The following HEYL variants were observed in gnomAD, a reference collection of about 807,000 sequenced individuals.
HEYL encodes the protein hes related family bHLH transcription factor with YRPW motif like.
HEYL carries 12 observed loss-of-function variants against 18.6 expected under a neutral mutation model. The ratio of observed to expected loss-of-function variants is 0.65; its 90% CI spans 0.41 to 1.05. The LOEUF (loss-of-function observed/expected upper bound fraction) is 1.05, where lower values mean the gene tolerates loss of function less well. Ranked by LOEUF, HEYL falls within the 50% of genes least tolerant of loss-of-function variation. HEYL has a pLI of 0.00. For synonymous variants in HEYL, 159 were observed against 179.6 expected, an observed-to-expected ratio of 0.89 and a Z score of 0.91; for missense variants, 420 against 444.7, an observed-to-expected ratio of 0.94 and a Z score of 0.50.
chr1:39,634,107 T>G (rs1358810569), intron 1 of HEYL, among the ~76,000 whole-genome samples: 1 of 151,936 alleles, frequency 6.6e-6, no homozygotes, highest in Non-Finnish European at 1.5e-5. Flanking sequence ...TTGTTTTGGG[T>G]TTTTTTTAGA....
intron 1 of HEYL, among the ~76,000 whole-genome samples, chr1:39,638,932 G>A (rs1189615282): frequency 8.5e-5 from 13 of 152,170 alleles, no homozygotes; most frequent in Non-Finnish European, 2.9e-5. Flanking sequence ...CTATCTACCA[G>A]GAGCTGAAAG....
chr1:39,632,668 G>T lies in HEYL; in HGVS notation c.128C>A (p.Ala43Asp), dbSNP rs1646340354. ...ACTCACCCCTCTGTGTTTCTTCCTG[G>T]CTTGCATCTGCGAAGAGCTGGGGGT... ...LSTPSSSQMQ[A>D]RKKHRGIIEK... The change falls in exon 2 of 5, where the codon GCC (alanine) becomes GAC (aspartate). Residue 43 changes from alanine to aspartate, a missense_variant. Physicochemically the swap from Ala to Asp is moderately radical, Grantham distance 126 (BLOSUM62 -2). Transcript: ENST00000372852. The T allele has an allele frequency of 6.2e-7, 1 of 1,613,790 alleles. No homozygotes were observed. The highest frequency in any genetic ancestry group is 1.1e-5 in the South Asian group (1 of 91,070).
At position 39,627,730 on chromosome 1, in the gene HEYL, T is replaced by A. The variant is rs571673273; in HGVS notation, c.314-550A>T. On this transcript the variant is annotated intron_variant, in intron 4 of 4. Coordinates refer to ENST00000372852, the MANE Select transcript of HEYL (RefSeq NM_014571.4). Reference sequence around the variant, plus strand: ...AACTAGCTGCCTGATTGTGGACAAGTCTCTTTATCTCTCTGTGCCTCAATT... The same window carrying A: ...AACTAGCTGCCTGATTGTGGACAAGACTCTTTATCTCTCTGTGCCTCAATT... 3.9e-5 allele frequency among the ~76,000 whole-genome samples: 6 copies of A among 152,232 alleles called. No homozygotes were observed. In the South Asian group the frequency reaches 1.2e-3, roughly 31 times the overall value.
intron 4 of HEYL, among the ~76,000 whole-genome samples, chr1:39,629,787 G>C (rs940232302): frequency 2.0e-5 from 3 of 152,222 alleles, no homozygotes; most frequent in African/African-American, 7.2e-5. Flanking sequence ...TGGTGAGCAT[G>C]ATATGTCACC....
intron 4 of HEYL, among the ~76,000 whole-genome samples, chr1:39,629,607 A>T (rs1463578964): frequency 6.6e-6 from 1 of 152,218 alleles, no homozygotes; most frequent in African/African-American, 2.4e-5. Flanking sequence ...TGGAGCTTTC[A>T]AGGTTTCCCA....
rs940548085 is a variant in HEYL, at chr1:39,623,908, A to C, written c.*2599T>G. 6.6e-6 allele frequency among the ~76,000 whole-genome samples: 1 copy of C among 152,228 alleles called. No homozygotes were observed. Among genetic ancestry groups the C allele is most frequent in the Non-Finnish European group, 1.5e-5 (1 of 68,040 alleles). The stretch of plus-strand genomic sequence containing the variant: ...GGCTGGAAATGAGGTTGGGACCAAA[A>C]GAAGACCTTTAGAACAATAGGGTAA... On this transcript the variant is annotated 3_prime_UTR_variant, in exon 5 of 5. Coordinates refer to ENST00000372852, the MANE Select transcript of HEYL (RefSeq NM_014571.4).
intron 2 of HEYL, 41 bp downstream of exon 2, chr1:39,632,608 A>G (rs1453114114): frequency 6.4e-7 from 1 of 1,568,872 alleles, no homozygotes; most frequent in Admixed American, 1.8e-5. Flanking sequence ...ATTCATGGCA[A>G]CCCTTTGTTG....
chr1:39,628,842 T>C (rs2124110107), intron 4 of HEYL, among the ~76,000 whole-genome samples: 1 of 152,232 alleles, frequency 6.6e-6, no homozygotes, highest in Non-Finnish European at 1.5e-5. Context: ...GACCTTGTGA[T>C]CCGCCTGTTT....
chr1:39,637,154 G>A (rs1646365655), intron 1 of HEYL, among the ~76,000 whole-genome samples: 1 of 152,198 alleles, frequency 6.6e-6, no homozygotes, highest in Non-Finnish European at 1.5e-5. Flanking sequence ...ACATGTGGCA[G>A]GTGCTCATTA....
At chr1:39,639,513 C>T in intron 1 of HEYL, 33 bp downstream of exon 1, 11 of 1,544,916 alleles carry the variant, frequency 7.1e-6, no homozygotes, top group Non-Finnish European at 9.6e-6. Context: ...CGCTCGCCCT[C>T]CGCCTGCTCG....
rs1177482037 is a variant in HEYL at position 39,624,444 on chromosome 1, A to G, written c.*2063T>C. 2.0e-5 allele frequency: 3 copies of G among 152,314 alleles called. No individual in the cohort carries two copies. Among genetic ancestry groups the G allele is most frequent in the African/African-American group, 7.2e-5 (3 of 41,462 alleles). The allele number at this position is 152,314 out of a possible 1,614,324, so 9.4% of individuals were successfully genotyped here. A position where few individuals can be genotyped will look rare whatever the true frequency, so the allele number is the denominator to read the frequency against. The stretch of plus-strand genomic sequence containing the variant: ...GAAATGTGTTTCCCACAGCCCCACT[A>G]GGGATTCTCAGGCTAGGAAGTTGCC... On this transcript the variant is annotated 3_prime_UTR_variant, in exon 5 of 5. Transcript: ENST00000372852.
chr1:39,630,363 G>C, intron 3 of HEYL, 55 bp from the exon 4 acceptor site: 1 of 1,340,134 alleles, frequency 7.5e-7, no homozygotes, highest in Admixed American at 1.7e-5. Flanking sequence ...GTAGCTGTGC[G>C]GTGTCATCAG....
Position 39,635,842 on chromosome 1 carries a change from G to A in HEYL, c.81-3127C>T, listed in dbSNP as rs116895252. The stretch of plus-strand genomic sequence containing the variant: ...CCCAGCCAGAGCTCCCTTCCAGCCC[G>A]CGATCTGGCCCTGACAGTGGGATGA... On this transcript the variant is annotated intron_variant, in intron 1 of 4. Transcript: ENST00000372852. Among the ~76,000 whole-genome samples, 828 of 152,268 alleles carry A rather than the reference G, an allele frequency of 5.4e-3. 32 individuals carry two copies. In the East Asian group the frequency reaches 0.11, roughly 20 times the overall value.
At chr1:39,635,373 G>A (rs1181558101) in intron 1 of HEYL, among the ~76,000 whole-genome samples, 3 of 152,194 alleles carry the variant, frequency 2.0e-5, no homozygotes, top group South Asian at 2.1e-4. Flanking sequence ...GCGTCTTTCC[G>A]GGTATTAGGT....
Position 39,631,492 on chromosome 1 carries a change from A to C in HEYL, c.231+4T>G. The C allele has an allele frequency of 6.2e-7, 1 of 1,613,764 alleles. No homozygotes were observed. Among genetic ancestry groups the C allele is most frequent in the South Asian group, 1.1e-5 (1 of 91,062 alleles). On this transcript the variant is annotated splice_donor_region_variant and intron_variant, in intron 3 of 4. Coordinates refer to ENST00000372852, the MANE Select transcript of HEYL (RefSeq NM_014571.4). ...CCTCTAGCACAATCAGCAATGTCAC[A>C]TACCTGTTTCTCAAAGGCAGTGGGG...
At chr1:39,627,287 C>T in intron 4 of HEYL, 107 bp from the exon 5 acceptor site, 1 of 992,870 alleles carries the variant, frequency 1.0e-6, no homozygotes, top group Admixed American at 2.8e-5. Context: ...ACTCCCTGGG[C>T]AGCCGTGGCC....
chr1:39,632,751 G>A (rs559785926), intron 1 of HEYL, 36 bp from the exon 2 acceptor site: 30 of 1,612,018 alleles, frequency 1.9e-5, no homozygotes, highest in African/African-American at 2.7e-5. Context: ...TTTCAGGGCT[G>A]GGGGACAGTC....
Position 39,625,993 on chromosome 1 carries a change from G to A in HEYL, c.*514C>T, listed in dbSNP as rs1646294584. On this transcript the variant is annotated 3_prime_UTR_variant, in exon 5 of 5. Coordinates refer to ENST00000372852, the MANE Select transcript of HEYL (RefSeq NM_014571.4). ...TGGGAAGGGGCAGACAGGGTTCCCA[G>A]GAGACCTCTTTGTAGCCCCTGCTCA... 6.5e-6 allele frequency: 1 copy of A among 153,202 alleles called. No homozygotes were observed. The highest frequency in any genetic ancestry group is 6.5e-5 in the Admixed American group (1 of 15,348). 9.5% of individuals were successfully genotyped at this position (153,202 alleles called of 1,614,324 possible).
Position 39,626,574 on chromosome 1 carries a change from C to T in HEYL, c.920G>A (p.Gly307Glu), listed in dbSNP as rs1557736109. The T allele has an allele frequency of 8.4e-6, 13 of 1,551,946 alleles. No homozygotes were observed. Among genetic ancestry groups the T allele is most frequent in the Non-Finnish European group, 1.0e-5 (12 of 1,148,200 alleles). ...GTAGAGCATGGCTCCCGCTGGCCTC[C>T]CAGCTGGCCCTGGGGAGGATGAGTT... ...TPNSSSPGPA[G>E]RPAGAMLYHS... Residue 307 changes from glycine (G) to glutamate (E), a missense_variant, in exon 5 of 5, where the codon GGG (glycine) becomes GAG (glutamate). Gly to Glu is a moderately conservative substitution (Grantham distance 98). Coordinates refer to ENST00000372852, the MANE Select transcript of HEYL (RefSeq NM_014571.4).
Sources: gnomAD v4.1 joint callset for allele counts (sites outside exome capture counted in the v4.1 genomes callset) on GRCh38, gnomAD v4.1.1 for gene constraint, MANE v1.5 for transcripts, NCBI Gene and HGNC (gene_info 2026-07-23, HGNC 2026-07-21) for gene names.